AP3D1: variants seen among roughly 807,000 people sequenced by gnomAD.
AP3D1 encodes adaptor related protein complex 3 subunit delta 1.
A neutral mutation model predicts 147.6 loss-of-function variants in AP3D1; 51 were observed. The observed-to-expected ratio is 0.35, with a 90% CI of 0.28 to 0.44. AP3D1 has a LOEUF of 0.44. AP3D1 is among the 20% of genes least tolerant of loss of function. The probability of loss-of-function intolerance (pLI) is 1.00; values close to 1 mark genes in which losing one functional copy is unlikely to be tolerated. For synonymous variants in AP3D1, 760 were observed against 663.0 expected, an observed-to-expected ratio of 1.15 and a Z score of -2.25; for missense variants, 1,421 against 1,624.2, an observed-to-expected ratio of 0.87 and a Z score of 2.15.
At chr19:2,151,859 G>A (rs1206619870), upstream of AP3D1, among the ~76,000 whole-genome samples, 3 of 152,246 alleles carry the variant, frequency 2.0e-5, no homozygotes, top group Non-Finnish European at 2.9e-5. Context: ...CCAGCTGACA[G>A]GTGTGAGCGT....
At chr19:2,140,755 CTTTTTTTTTT>C (rs71176516) in intron 1 of AP3D1, among the ~76,000 whole-genome samples, 11 of 107,194 alleles carry the variant, frequency 1.0e-4, no homozygotes, top group Admixed American at 3.2e-4. Context: ...ACACAAACGT[CTTTTTTTTTT>C]TTTTTTTTTT....
Position 2,123,418 on chromosome 19 carries a change from A to G in AP3D1, c.907-12T>C, listed in dbSNP as rs2018663425. 3 of 1,613,584 alleles carry G rather than the reference A, an allele frequency of 1.9e-6. No individual in the cohort carries two copies. The highest frequency in any genetic ancestry group is 2.5e-6 in the Non-Finnish European group (3 of 1,179,714). On this transcript the variant is annotated splice_polypyrimidine_tract_variant and intron_variant, in intron 10 of 31. Transcript: ENST00000643116. The stretch of plus-strand genomic sequence containing the variant: ...TTCTGAACACAAAGCTGAAAAGAAG[A>G]AAAAAACGATGCTGGTTACATCCTC...
chr19:2,162,313 A>G (rs1305679421), intron 1 of AP3D1, among the ~76,000 whole-genome samples: 5 of 147,540 alleles, frequency 3.4e-5, no homozygotes, highest in Non-Finnish European at 7.5e-5. Context: ...TGGGATTACA[A>G]GCGTGAGCCA....
At chr19:2,108,309 A>G (rs1338962100) in intron 31 of AP3D1, among the ~76,000 whole-genome samples, 1 of 152,212 alleles carries the variant, frequency 6.6e-6, no homozygotes, top group African/African-American at 2.4e-5. Flanking sequence ...TACTCAGGAG[A>G]GGGAGGCCCG....
chr19:2,111,733 C>T lies in AP3D1; in HGVS notation c.2883G>A (p.Glu961=). The T allele has an allele frequency of 6.2e-7, 1 of 1,607,010 alleles. No individual in the cohort carries two copies. Among genetic ancestry groups the T allele is most frequent in the Non-Finnish European group, 8.5e-7 (1 of 1,177,110 alleles). The change falls in exon 25 of 32, where the codon GAG becomes GAA. Residue 961 remains glutamate, a synonymous_variant. Coordinates refer to ENST00000643116, the MANE Select transcript of AP3D1 (RefSeq NM_001261826.3). ...KKSKKQPPGS[E]EAAGEPVQNG... ...TCTGCACCGGCTCCCCCGCTGCCTCCTCGCTGCCTGGAGGCTGCTTCTTGG... is the reference window on the plus strand; with the variant it reads ...TCTGCACCGGCTCCCCCGCTGCCTCTTCGCTGCCTGGAGGCTGCTTCTTGG...
At chr19:2,128,286 C>G (rs2018816788) in intron 8 of AP3D1, among the ~76,000 whole-genome samples, 1 of 152,106 alleles carries the variant, frequency 6.6e-6, no homozygotes, top group Non-Finnish European at 1.5e-5. Flanking sequence ...ACAAAGAAAA[C>G]CCAAACTCCC....
chr19:2,105,817 C>T (rs1027571686), intron 31 of AP3D1, among the ~76,000 whole-genome samples: 8 of 152,178 alleles, frequency 5.3e-5, no homozygotes, highest in Admixed American at 3.3e-4. Context: ...TGCCGTCAGC[C>T]GGGCGCGGGG....
chr19:2,149,838 C>A (rs1244015525), intron 1 of AP3D1, among the ~76,000 whole-genome samples: 2 of 152,214 alleles, frequency 1.3e-5, no homozygotes, highest in Non-Finnish European at 2.9e-5. Context: ...AAAGTCCTCT[C>A]GGGAAGTGAA....
intron 1 of AP3D1, among the ~76,000 whole-genome samples, chr19:2,147,538 A>G: frequency 6.9e-6 from 1 of 144,736 alleles, no homozygotes; most frequent in Admixed American, 6.8e-5. Flanking sequence ...CCTGGGCAAC[A>G]CAGCGAGACT....
chr19:2,106,222 C>G (rs910157667), intron 31 of AP3D1, among the ~76,000 whole-genome samples: 2 of 152,118 alleles, frequency 1.3e-5, no homozygotes, highest in Non-Finnish European at 2.9e-5. Flanking sequence ...AAACCTCAAA[C>G]GTGGCATTAC....
At chr19:2,115,748 C>T (rs2018428528) in intron 18 of AP3D1, 135 bp from the exon 19 acceptor site, 3 of 897,996 alleles carry the variant, frequency 3.3e-6, no homozygotes, top group Non-Finnish European at 5.0e-6. Context: ...CCCTGGGCCG[C>T]GAGGAGCGCC....
chr19:2,110,033 T>G (rs1599441764), intron 28 of AP3D1, 75 bp from the exon 29 acceptor site: 1 of 1,588,920 alleles, frequency 6.3e-7, no homozygotes, highest in Non-Finnish European at 8.6e-7. Context: ...CCCAGGCAGG[T>G]GGCCCACTTC....
At chr19:2,153,219 A>T (rs1183842522), upstream of AP3D1, among the ~76,000 whole-genome samples, 2 of 145,642 alleles carry the variant, frequency 1.4e-5, no homozygotes, top group South Asian at 2.2e-4. Context: ...ACTAAAAATT[A>T]AAAAATTAGC....
At position 2,102,015 on chromosome 19, in the gene AP3D1, A is replaced by C; in HGVS notation, c.*158T>G. 1 of 628,332 alleles carries C rather than the reference A, an allele frequency of 1.6e-6. No homozygotes were observed. The highest frequency in any genetic ancestry group is 2.8e-6 in the Non-Finnish European group (1 of 357,866). 38.9% of individuals were successfully genotyped at this position (628,332 alleles called of 1,614,324 possible). On this transcript the variant is annotated 3_prime_UTR_variant, in exon 32 of 32. Coordinates refer to ENST00000643116, the MANE Select transcript of AP3D1 (RefSeq NM_001261826.3). ...AAAGGATGGTCAGATAATTCAACGC[A>C]ACAAATGACCTCGGATGTCTACACG...
chr19:2,145,322 G>A (rs540655781), intron 1 of AP3D1, among the ~76,000 whole-genome samples: 33 of 152,298 alleles, frequency 2.2e-4, no homozygotes, highest in East Asian at 3.9e-4. Flanking sequence ...CAGGCCACCC[G>A]GGGTCCCCAC....
chr19:2,153,442 G>A (rs1447871504), upstream of AP3D1, among the ~76,000 whole-genome samples: 6 of 151,316 alleles, frequency 4.0e-5, no homozygotes, highest in Admixed American at 6.6e-5. Flanking sequence ...TCGGGAGGCC[G>A]AGGAGGACAG....
intron 5 of AP3D1, 136 bp downstream of exon 5, chr19:2,132,335 G>T: frequency 1.5e-6 from 1 of 686,714 alleles, no homozygotes; most frequent in Non-Finnish European, 2.5e-6. Context: ...ACAGTGATTT[G>T]GTTCCCATTT....
intron 1 of AP3D1, among the ~76,000 whole-genome samples, chr19:2,162,197 C>T (rs1030606313): frequency 2.7e-5 from 4 of 150,768 alleles, no homozygotes; most frequent in East Asian, 2.0e-4. Context: ...TCACCACGCC[C>T]GGCTAATTTT....
intron 12 of AP3D1, 64 bp downstream of exon 12, chr19:2,121,670 T>A: frequency 6.6e-7 from 1 of 1,519,430 alleles, no homozygotes. Flanking sequence ...GCTCTGCACC[T>A]GACACTTAAT....
Sources: gnomAD v4.1 joint callset for allele counts (sites outside exome capture counted in the v4.1 genomes callset) on GRCh38, gnomAD v4.1.1 for gene constraint, MANE v1.5 for transcripts, NCBI Gene and HGNC (gene_info 2026-07-23, HGNC 2026-07-21) for gene names.